ATP9B: variants seen among roughly 807,000 people sequenced by gnomAD.
The protein encoded by ATP9B is ATPase phospholipid transporting 9B.
ATP9B carries 110 observed loss-of-function variants against 146.1 expected under a neutral mutation model. The ratio of observed to expected loss-of-function variants is 0.75; its 90% confidence interval spans 0.65 to 0.88. The LOEUF is 0.88. ATP9B is among the 40% of genes least tolerant of loss of function. ATP9B has a pLI of 0.00. For missense variants in ATP9B, 1,499 were observed against 1,496.4 expected (o/e 1.00, Z -0.03); for synonymous variants, 604 against 569.7 (o/e 1.06, Z -0.86).
chr18:79,286,354 C>T (rs1163623811), intron 13 of ATP9B, among the ~76,000 whole-genome samples: 91 of 151,730 alleles, frequency 6.0e-4, no homozygotes, highest in Non-Finnish European at 1.2e-3. Context: ...AGTTGGATTC[C>T]TAGGTATTTT....
rs370049435 is a variant in ATP9B, at chr18:79,324,117, TC to T, written c.1774-5023del. Among the ~76,000 whole-genome samples, 1,003 of 152,330 alleles carry T rather than the reference TC, an allele frequency of 6.6e-3. 7 individuals are homozygous for T. Among genetic ancestry groups the T allele is most frequent in the African/African-American group, 0.023 (938 of 41,566 alleles). ...TTCTTTTGAGAAATGTCTGTTCAGA[TC>T]TTTTGCCCATATTTTAATCGAATTA... On this transcript the variant is annotated intron_variant, in intron 15 of 29. Coordinates refer to ENST00000426216, the MANE Select transcript of ATP9B (RefSeq NM_198531.5).
At chr18:79,209,873 T>C (rs369088668) in intron 10 of ATP9B, among the ~76,000 whole-genome samples, 2 of 152,364 alleles carry the variant, frequency 1.3e-5, no homozygotes, top group East Asian at 1.9e-4. Flanking sequence ...AAGGAATGTT[T>C]GAAAGATTTT....
At chr18:79,167,713 C>T (rs959240650) in intron 7 of ATP9B, among the ~76,000 whole-genome samples, 28 of 152,276 alleles carry the variant, frequency 1.8e-4, no homozygotes, top group African/African-American at 5.8e-4. Flanking sequence ...AAGCACTATC[C>T]GATTGGCTGT....
chr18:79,225,487 T>G (rs758125529), intron 11 of ATP9B, among the ~76,000 whole-genome samples: 4 of 152,236 alleles, frequency 2.6e-5, no homozygotes, highest in Non-Finnish European at 5.9e-5. Flanking sequence ...CCCTCTAGGC[T>G]TCCTCTACCA....
chr18:79,161,252 C>CT (rs2094876194), intron 7 of ATP9B, among the ~76,000 whole-genome samples: 1 of 152,152 alleles, frequency 6.6e-6, no homozygotes, highest in Non-Finnish European at 1.5e-5. Flanking sequence ...ACATTTCTCT[C>CT]TAATTTTGTC....
At chr18:79,352,432 A>G (rs945688092) in intron 25 of ATP9B, 1 of 152,262 alleles carries the variant, frequency 6.6e-6, no homozygotes, top group Non-Finnish European at 1.5e-5. Context: ...CAGCCGTGAT[A>G]AACAGATTTA....
At chr18:79,282,436 A>G (rs1359847596) in intron 13 of ATP9B, among the ~76,000 whole-genome samples, 2 of 152,228 alleles carry the variant, frequency 1.3e-5, no homozygotes, top group Non-Finnish European at 2.9e-5. Context: ...CAGCCAGTCC[A>G]AACTTCAGCC....
rs1295334205 is a variant in ATP9B, at chr18:79,159,654, CGT to C, written c.778+5102_778+5103del. ...TGCCTTCTTCCTATAGGCGTTGAAA[CGT>C]GTCTCTACCCAGTCACCAAAGACCA... On this transcript the variant is annotated intron_variant, in intron 7 of 29. Coordinates refer to ENST00000426216, the MANE Select transcript of ATP9B (RefSeq NM_198531.5). 4.6e-5 allele frequency among the ~76,000 whole-genome samples: 7 copies of C among 152,286 alleles called. No homozygotes were observed. In the East Asian group the frequency reaches 1.3e-3, roughly 29 times the overall value.
chr18:79,079,740 G>A (rs528421424), intron 1 of ATP9B, among the ~76,000 whole-genome samples: 1 of 151,500 alleles, frequency 6.6e-6, no homozygotes, highest in Non-Finnish European at 1.5e-5. Context: ...GTCCTGAATG[G>A]TATTGCCTAG....
intron 9 of ATP9B, among the ~76,000 whole-genome samples, chr18:79,204,476 T>G (rs2095516823): frequency 6.6e-6 from 1 of 152,234 alleles, no homozygotes. Flanking sequence ...CATGCAAATT[T>G]ATATTGGGAT....
At chr18:79,073,146 T>A (rs902011429) in intron 1 of ATP9B, among the ~76,000 whole-genome samples, 1 of 142,384 alleles carries the variant, frequency 7.0e-6, no homozygotes, top group Non-Finnish European at 1.5e-5. Context: ...CTTCCCAGAC[T>A]GGGAGGCCGG....
At chr18:79,162,310 T>G (rs1311706397) in intron 7 of ATP9B, among the ~76,000 whole-genome samples, 2 of 152,210 alleles carry the variant, frequency 1.3e-5, no homozygotes, top group South Asian at 2.1e-4. Context: ...GTGAGCTGAT[T>G]GTTTAGAATG....
At chr18:79,323,050 C>T (rs1356759998) in intron 15 of ATP9B, among the ~76,000 whole-genome samples, 2 of 152,198 alleles carry the variant, frequency 1.3e-5, no homozygotes, top group Non-Finnish European at 2.9e-5. Context: ...GTGATCAAAT[C>T]GGTAATTGGG....
intron 4 of ATP9B, among the ~76,000 whole-genome samples, chr18:79,120,803 C>T (rs477824): frequency 0.13 from 20,046 of 152,114 alleles, 1,919 homozygotes; most frequent in African/African-American, 0.27. Flanking sequence ...AATTGGTAAC[C>T]GGATAGGCTA....
chr18:79,347,083 CTCCT>C (rs1397305254), intron 23 of ATP9B, among the ~76,000 whole-genome samples: 1 of 152,228 alleles, frequency 6.6e-6, no homozygotes, highest in Non-Finnish European at 1.5e-5. Flanking sequence ...CATGGCCTCC[CTCCT>C]GTTTTCCACG....
intron 23 of ATP9B, among the ~76,000 whole-genome samples, chr18:79,347,257 T>G (rs1449020363): frequency 1.3e-5 from 2 of 152,240 alleles, no homozygotes; most frequent in Non-Finnish European, 2.9e-5. Flanking sequence ...TTCACCTAGC[T>G]CAAGCAAGCG....
chr18:79,319,313 A>G (rs1302767818), intron 15 of ATP9B, among the ~76,000 whole-genome samples: 3 of 152,186 alleles, frequency 2.0e-5, no homozygotes, highest in Non-Finnish European at 2.9e-5. Context: ...GCCCTTGTAT[A>G]TGTAGTGTTT....
chr18:79,336,618 C>T lies in ATP9B; in HGVS notation c.2029-10C>T, dbSNP rs2096828624. ...AGGGCCCACCTGTGACTCGGCCTCT[C>T]CTTTTCCAGTGCGGAAACATGGCTC... On this transcript the variant is annotated splice_polypyrimidine_tract_variant and intron_variant, in intron 17 of 29. Coordinates refer to ENST00000426216, the MANE Select transcript of ATP9B (RefSeq NM_198531.5). The T allele has an allele frequency of 1.2e-6, 2 of 1,613,518 alleles. No homozygotes were observed. The highest frequency in any genetic ancestry group is 1.3e-5 in the African/African-American group (1 of 74,920).
rs777351843 is a variant in ATP9B at position 79,214,018 on chromosome 18, A to G, written c.1087A>G (p.Thr363Ala). 6.2e-7 allele frequency: 1 copy of G among 1,600,086 alleles called. No individual in the cohort carries two copies. Among genetic ancestry groups the G allele is most frequent in the East Asian group, 2.3e-5 (1 of 44,202 alleles). Reference protein sequence around the residue: ...TGKETRSVMNTSNPKNKVGLL... With the variant: ...TGKETRSVMNASNPKNKVGLL... Reference sequence around the variant, plus strand: ...AAAAGAGACTCGAAGTGTAATGAACACATCCAATCCAAAAAATAAGGTAGG... The same window carrying G: ...AAAAGAGACTCGAAGTGTAATGAACGCATCCAATCCAAAAAATAAGGTAGG... The change falls in exon 11 of 30, where the codon ACA becomes GCA. Residue 363 changes from threonine (T) to alanine (A), a missense_variant. Physicochemically the swap from Thr to Ala is moderately conservative, Grantham distance 58. Transcript: ENST00000426216.
Sources: gnomAD v4.1 joint callset for allele counts (sites outside exome capture counted in the v4.1 genomes callset) on GRCh38, gnomAD v4.1.1 for gene constraint, MANE v1.5 for transcripts, NCBI Gene and HGNC (gene_info 2026-07-23, HGNC 2026-07-21) for gene names.